The following CRYZL1 variants were observed in gnomAD, a reference collection of about 807,000 sequenced individuals.
The protein encoded by CRYZL1 is crystallin zeta like 1, also known as ferry endosomal RAB5 effector complex subunit 4.
CRYZL1 carries 34 observed loss-of-function variants against 50.6 expected under a neutral mutation model. The ratio of observed to expected loss-of-function variants is 0.67; its 90% CI spans 0.51 to 0.89. The LOEUF is 0.89. Among genes scored for constraint, CRYZL1 ranks in the 40% least tolerant of loss-of-function variants. The probability of loss-of-function intolerance (pLI) is 0.00; values close to 1 mark genes in which losing one functional copy is unlikely to be tolerated. For missense variants in CRYZL1, 354 were observed against 402.3 expected, an observed-to-expected ratio of 0.88 and a Z score of 1.03; for synonymous variants, 125 against 134.3, an observed-to-expected ratio of 0.93 and a Z score of 0.48.
intron 6 of CRYZL1, among the ~76,000 whole-genome samples, chr21:33,603,857 CACA>C (rs2086782004): frequency 6.6e-6 from 1 of 152,212 alleles, no homozygotes; most frequent in Non-Finnish European, 1.5e-5. Flanking sequence ...GGAGAGAGAG[CACA>C]ACCATCACCC....
intron 6 of CRYZL1, among the ~76,000 whole-genome samples, chr21:33,607,130 A>T (rs2086822593): frequency 6.6e-6 from 1 of 152,256 alleles, no homozygotes; most frequent in Non-Finnish European, 1.5e-5. Flanking sequence ...AAAATTTTGA[A>T]TGAAAAATAA....
intron 6 of CRYZL1, among the ~76,000 whole-genome samples, chr21:33,605,411 T>C (rs752369692): frequency 1.3e-5 from 2 of 151,962 alleles, no homozygotes; most frequent in African/African-American, 2.4e-5. Flanking sequence ...ACTCCTAATA[T>C]AGTTTAAAAA....
Position 33,595,716 on chromosome 21 carries a change from C to A in CRYZL1, c.904+15G>T, listed in dbSNP as rs532864050. Reference sequence around the variant, plus strand: ...AGTTCAAGCCAGAAACTCAATCAGTCGATAAAAAGGATATAAAGATATTTT... The same window carrying A: ...AGTTCAAGCCAGAAACTCAATCAGTAGATAAAAAGGATATAAAGATATTTT... On this transcript the variant is annotated intron_variant, in intron 11 of 12. Transcript: ENST00000381554. 4 of 1,611,472 alleles carry A rather than the reference C, an allele frequency of 2.5e-6. No individual in the cohort carries two copies. The African/African-American group carries it at 4.0e-5, about 16-fold the overall frequency.
chr21:33,592,650 T>C (rs1233648461), intron 11 of CRYZL1, among the ~76,000 whole-genome samples: 1 of 152,138 alleles, frequency 6.6e-6, no homozygotes. Flanking sequence ...AATGACACAG[T>C]TGGAAGGAGA....
At chr21:33,638,596 T>A (rs79590807) in intron 1 of CRYZL1, among the ~76,000 whole-genome samples, 1 of 152,336 alleles carries the variant, frequency 6.6e-6, no homozygotes, top group East Asian at 1.9e-4. Flanking sequence ...TCTAGAAATA[T>A]GTATATTCAA....
At chr21:33,611,616 A>G (rs760553474) in intron 6 of CRYZL1, among the ~76,000 whole-genome samples, 2 of 152,204 alleles carry the variant, frequency 1.3e-5, no homozygotes, top group Non-Finnish European at 2.9e-5. Flanking sequence ...TTATTTAAGA[A>G]AAGAACTTAG....
intron 6 of CRYZL1, among the ~76,000 whole-genome samples, chr21:33,610,197 G>C (rs1000912395): frequency 2.0e-5 from 3 of 151,700 alleles, no homozygotes; most frequent in African/African-American, 7.3e-5. Context: ...ACAGAGTCTT[G>C]CTCTGTTGCC....
chr21:33,590,557 G>C (rs2086634057), intron 12 of CRYZL1, among the ~76,000 whole-genome samples: 1 of 151,916 alleles, frequency 6.6e-6, no homozygotes, highest in South Asian at 2.1e-4. Flanking sequence ...TGGGATTATG[G>C]GCGTTCGCCA....
At chr21:33,608,857 G>A (rs188566780) in intron 6 of CRYZL1, among the ~76,000 whole-genome samples, 1 of 152,268 alleles carries the variant, frequency 6.6e-6, no homozygotes, top group Admixed American at 6.5e-5. Flanking sequence ...CAAAGCTTCC[G>A]GGAAAATATC....
At chr21:33,606,517 T>C (rs1202605715) in intron 6 of CRYZL1, among the ~76,000 whole-genome samples, 6 of 151,668 alleles carry the variant, frequency 4.0e-5, no homozygotes, top group African/African-American at 7.3e-5. Context: ...TTCCAGCTAC[T>C]TGGGAGGCTG....
At chr21:33,597,206 A>G in intron 10 of CRYZL1, 74 bp downstream of exon 10, 2 of 1,461,426 alleles carry the variant, frequency 1.4e-6, no homozygotes, top group Non-Finnish European at 1.9e-6. Flanking sequence ...CTTGCCTCAA[A>G]TAACTTAGGC....
chr21:33,602,390 A>C (rs2086766144), intron 7 of CRYZL1, 45 bp from the exon 8 acceptor site: 1 of 789,996 alleles, frequency 1.3e-6, no homozygotes, highest in Admixed American at 2.1e-5. Flanking sequence ...TATAGAACAG[A>C]GGCCATATCG....
At chr21:33,633,653 T>C in intron 1 of CRYZL1, 1 of 152,382 alleles carries the variant, frequency 6.6e-6, no homozygotes, top group Non-Finnish European at 1.5e-5. Context: ...CACCTTGTGA[T>C]CCGTCTGCCT....
intron 7 of CRYZL1, 158 bp downstream of exon 7, chr21:33,603,246 G>C (rs756527246): frequency 6.5e-6 from 5 of 773,394 alleles, no homozygotes; most frequent in Non-Finnish European, 1.0e-5. Flanking sequence ...ATCTTCTATT[G>C]ATAAAAGCTG....
intron 11 of CRYZL1, among the ~76,000 whole-genome samples, chr21:33,594,352 G>T (rs906670854): frequency 6.6e-6 from 1 of 150,998 alleles, no homozygotes; most frequent in Admixed American, 6.6e-5. Context: ...TAATAGAGAC[G>T]GGGTTTCATC....
chr21:33,631,658 T>G (rs1414115382), intron 1 of CRYZL1, 101 bp from the exon 2 acceptor site: 25 of 660,154 alleles, frequency 3.8e-5, no homozygotes, highest in Non-Finnish European at 5.6e-5. Context: ...AAACGACAAC[T>G]ACAAATGTAG....
intron 2 of CRYZL1, among the ~76,000 whole-genome samples, chr21:33,628,884 T>C (rs1178262896): frequency 1.3e-5 from 2 of 151,872 alleles, no homozygotes; most frequent in African/African-American, 2.4e-5. Context: ...GCTGGGATTA[T>C]AGGCACCTGG....
intron 1 of CRYZL1, chr21:33,633,684 A>AT (rs1277198530): frequency 6.6e-6 from 1 of 152,282 alleles, no homozygotes; most frequent in Non-Finnish European, 1.5e-5. Flanking sequence ...AAATGCTGGG[A>AT]TTACAGGCAT....
chr21:33,593,982 C>CAAAAA (rs1167158360), intron 11 of CRYZL1, among the ~76,000 whole-genome samples: 4 of 48,912 alleles, frequency 8.2e-5, no homozygotes, highest in Non-Finnish European at 1.4e-4. Flanking sequence ...GACTCTGTCT[C>CAAAAA]AAAAAAAAAA....
Sources: gnomAD v4.1 joint callset for allele counts (sites outside exome capture counted in the v4.1 genomes callset) on GRCh38, gnomAD v4.1.1 for gene constraint, MANE v1.5 for transcripts, NCBI Gene and HGNC (gene_info 2026-07-23, HGNC 2026-07-21) for gene names.